DOK6: variants seen among roughly 807,000 people sequenced by gnomAD.
DOK6 encodes the protein docking protein 6, also known as downstream of tyrosine kinase 6.
In DOK6, 22 loss-of-function variants were observed where a neutral mutation model predicts 44.0. The observed-to-expected ratio is 0.50, with a 90% CI of 0.36 to 0.71. The LOEUF (loss-of-function observed/expected upper bound fraction) is 0.71, where lower values mean the gene tolerates loss of function less well. Among genes scored for constraint, DOK6 ranks in the 30% least tolerant of loss-of-function variants. The probability of loss-of-function intolerance (pLI) is 0.00; values close to 1 mark genes in which losing one functional copy is unlikely to be tolerated. For synonymous variants in DOK6, 166 were observed against 145.5 expected, an observed-to-expected ratio of 1.14 and a Z score of -1.01; for missense variants, 340 against 416.4, an observed-to-expected ratio of 0.82 and a Z score of 1.60.
Position 69,795,940 on chromosome 18 carries a change from G to T in DOK6, c.856+38067G>T, listed in dbSNP as rs577233768. The stretch of plus-strand genomic sequence containing the variant: ...CCACGTAGGGAAAGAGCCAGCCACT[G>T]AACTGTGATCCGAGCTCATCCTGTA... On this transcript the variant is annotated intron_variant, in intron 7 of 7. Transcript: ENST00000382713. Among the ~76,000 whole-genome samples, 90 of 151,820 alleles carry T rather than the reference G, an allele frequency of 5.9e-4. 1 individual carries two copies. Among genetic ancestry groups the T allele is most frequent in the African/African-American group, 2.1e-3 (88 of 41,412 alleles).
At chr18:69,506,512 TC>T (rs1202892861) in intron 1 of DOK6, among the ~76,000 whole-genome samples, 1 of 152,160 alleles carries the variant, frequency 6.6e-6, no homozygotes, top group African/African-American at 2.4e-5. Context: ...ACATAACCTT[TC>T]CAGTTTGGCT....
At chr18:69,824,181 G>C (rs1174430528) in intron 7 of DOK6, among the ~76,000 whole-genome samples, 1 of 77,476 alleles carries the variant, frequency 1.3e-5, no homozygotes, top group Non-Finnish European at 2.9e-5. Flanking sequence ...ATCTCCTAAT[G>C]CTATCCCTCC....
At position 69,413,733 on chromosome 18, in the gene DOK6, A is replaced by C. The variant is rs575232390; in HGVS notation, c.66+12423A>C. On this transcript the variant is annotated intron_variant, in intron 1 of 7. Coordinates refer to ENST00000382713, the MANE Select transcript of DOK6 (RefSeq NM_152721.6). ...AACAAAATCATGATCCATAAAAGGA[A>C]ATATTGACAATTTCATCTTATTGAA... Among the ~76,000 whole-genome samples, 353 of 152,134 alleles carry C rather than the reference A, an allele frequency of 2.3e-3. 5 individuals are homozygous for C. The highest frequency in any genetic ancestry group is 5.7e-3 in the African/African-American group (236 of 41,538).
chr18:69,757,633 G>C, intron 6 of DOK6, 123 bp from the exon 7 acceptor site: 2 of 731,180 alleles, frequency 2.7e-6, no homozygotes, highest in South Asian at 1.7e-5. Context: ...TTACACCGGG[G>C]ATCATGCAGG....
chr18:69,597,031 TCTC>T (rs1347393020), intron 2 of DOK6, among the ~76,000 whole-genome samples: 28 of 151,916 alleles, frequency 1.8e-4, no homozygotes, highest in Non-Finnish European at 2.8e-4. Context: ...ATACACTTGA[TCTC>T]CTCTCAGCTT....
intron 1 of DOK6, among the ~76,000 whole-genome samples, chr18:69,506,340 A>G (rs1981185235): frequency 6.6e-6 from 1 of 152,160 alleles, no homozygotes; most frequent in African/African-American, 2.4e-5. Flanking sequence ...TTTAACCACC[A>G]CAAGAATAAA....
chr18:69,615,702 T>G (rs1984267978), intron 3 of DOK6, among the ~76,000 whole-genome samples: 1 of 152,218 alleles, frequency 6.6e-6, no homozygotes, highest in South Asian at 2.1e-4. Context: ...AAAGTTTACA[T>G]TATTTTGGTG....
intron 3 of DOK6, among the ~76,000 whole-genome samples, chr18:69,622,036 T>C (rs1371810433): frequency 2.0e-5 from 3 of 152,222 alleles, no homozygotes; most frequent in Admixed American, 2.0e-4. Context: ...ACAGATTTTA[T>C]GTTAATTTCC....
At chr18:69,649,436 T>C (rs969497331) in intron 3 of DOK6, among the ~76,000 whole-genome samples, 4 of 152,212 alleles carry the variant, frequency 2.6e-5, no homozygotes, top group African/African-American at 9.6e-5. Context: ...TATTTTAGTT[T>C]GGGATGGATC....
At chr18:69,654,447 G>T (rs888866367) in intron 3 of DOK6, among the ~76,000 whole-genome samples, 1 of 152,044 alleles carries the variant, frequency 6.6e-6, no homozygotes, top group East Asian at 1.9e-4. Context: ...ACATTGAGTC[G>T]GCATGAAGTT....
At chr18:69,413,836 G>A (rs1599119126) in intron 1 of DOK6, among the ~76,000 whole-genome samples, 1 of 151,630 alleles carries the variant, frequency 6.6e-6, no homozygotes, top group African/African-American at 2.4e-5. Flanking sequence ...AAATACTTAA[G>A]GACTATACAT....
At chr18:69,519,713 GAC>G (rs1452630778) in intron 1 of DOK6, among the ~76,000 whole-genome samples, 6 of 151,884 alleles carry the variant, frequency 4.0e-5, no homozygotes, top group Non-Finnish European at 7.4e-5. Context: ...CTTCAGTAGT[GAC>G]ATTATATTAC....
At chr18:69,633,233 A>T (rs1897211548) in intron 3 of DOK6, among the ~76,000 whole-genome samples, 1 of 152,222 alleles carries the variant, frequency 6.6e-6, no homozygotes, top group African/African-American at 2.4e-5. Context: ...ACTTGAATTA[A>T]TTTATTTTTC....
At chr18:69,603,604 T>C (rs1983924169) in intron 3 of DOK6, among the ~76,000 whole-genome samples, 1 of 152,076 alleles carries the variant, frequency 6.6e-6, no homozygotes, top group Non-Finnish European at 1.5e-5. Context: ...ACCCCGTCTC[T>C]ACTAAAAATA....
intron 2 of DOK6, among the ~76,000 whole-genome samples, chr18:69,581,522 C>A (rs904799508): frequency 5.3e-5 from 8 of 152,100 alleles, no homozygotes; most frequent in African/African-American, 1.9e-4. Flanking sequence ...ATTTTTTAGG[C>A]TGACAAAATT....
At chr18:69,727,441 A>G (rs921372949) in intron 5 of DOK6, among the ~76,000 whole-genome samples, 2 of 152,246 alleles carry the variant, frequency 1.3e-5, no homozygotes, top group African/African-American at 4.8e-5. Flanking sequence ...TGACAATGAA[A>G]AGAGCCTCTT....
chr18:69,514,410 G>A (rs1398425637), intron 1 of DOK6, among the ~76,000 whole-genome samples: 2 of 152,096 alleles, frequency 1.3e-5, no homozygotes, highest in Admixed American at 6.5e-5. Context: ...AAATTTCCAA[G>A]TGGAAGAAAG....
chr18:69,442,117 A>G (rs1470330117), intron 1 of DOK6, among the ~76,000 whole-genome samples: 1 of 151,906 alleles, frequency 6.6e-6, no homozygotes, highest in African/African-American at 2.4e-5. Context: ...GTTTTTTTAA[A>G]TTCACCATTA....
chr18:69,622,415 C>T (rs991659965), intron 3 of DOK6, among the ~76,000 whole-genome samples: 1 of 152,194 alleles, frequency 6.6e-6, no homozygotes, highest in Non-Finnish European at 1.5e-5. Context: ...CACAAAGCTG[C>T]CTCTTATGTC....
Sources: allele counts gnomAD v4.1 joint callset (sites outside exome capture counted in the v4.1 genomes callset), GRCh38; gene constraint gnomAD v4.1.1; transcripts MANE v1.5; gene names NCBI Gene and HGNC (gene_info 2026-07-23, HGNC 2026-07-21).